Variants in RALGAPA2 observed in about 807,000 individuals in gnomAD.
RALGAPA2 encodes Ral GTPase activating protein catalytic subunit alpha 2.
RALGAPA2 carries 139 observed loss-of-function variants against 230.4 expected under a neutral mutation model. The observed-to-expected ratio is 0.60, with a 90% CI of 0.53 to 0.69. RALGAPA2 has a LOEUF of 0.69. Ranked by LOEUF, RALGAPA2 falls within the 30% of genes least tolerant of loss-of-function variation. The probability of loss-of-function intolerance (pLI) is 0.00; values close to 1 mark genes in which losing one functional copy is unlikely to be tolerated. For missense variants in RALGAPA2, 2,163 were observed against 2,276.0 expected (o/e 0.95, Z 1.01); for synonymous variants, 847 against 837.8 (o/e 1.01, Z -0.19).
chr20:20,612,517 T>C (rs1014203805), intron 13 of RALGAPA2, among the ~76,000 whole-genome samples: 3 of 152,338 alleles, frequency 2.0e-5, no homozygotes, highest in Middle Eastern at 3.4e-3. Flanking sequence ...CTGAACCTCA[T>C]AAAATTCCTC....
At chr20:20,679,099 A>T (rs1034980466) in intron 2 of RALGAPA2, among the ~76,000 whole-genome samples, 7 of 151,730 alleles carry the variant, frequency 4.6e-5, no homozygotes, top group Non-Finnish European at 1.0e-4. Flanking sequence ...ACACGATTTC[A>T]CCTCTTTTCT....
chr20:20,592,789 A>G (rs1035297674), intron 16 of RALGAPA2, among the ~76,000 whole-genome samples: 2 of 152,184 alleles, frequency 1.3e-5, no homozygotes, highest in Non-Finnish European at 2.9e-5. Flanking sequence ...ATGTTGGAAG[A>G]TTCTACATTT....
chr20:20,452,332 T>G (rs1035057729), intron 37 of RALGAPA2, among the ~76,000 whole-genome samples: 7 of 152,204 alleles, frequency 4.6e-5, no homozygotes, highest in Non-Finnish European at 1.0e-4. Context: ...GTTAAAAGTG[T>G]GGGTGTGGAA....
At chr20:20,687,334 G>A (rs762777122) in intron 1 of RALGAPA2, among the ~76,000 whole-genome samples, 3 of 152,146 alleles carry the variant, frequency 2.0e-5, no homozygotes, top group Non-Finnish European at 4.4e-5. Flanking sequence ...TGATTCTGGC[G>A]ATTTCACATT....
intron 4 of RALGAPA2, among the ~76,000 whole-genome samples, chr20:20,648,382 G>T (rs2067286929): frequency 6.6e-6 from 1 of 151,912 alleles, no homozygotes; most frequent in Admixed American, 6.6e-5. Context: ...ATTACCAAGG[G>T]GGACGAGGAA....
intron 10 of RALGAPA2, among the ~76,000 whole-genome samples, chr20:20,628,480 C>T (rs1364866950): frequency 1.3e-5 from 2 of 152,114 alleles, no homozygotes; most frequent in Non-Finnish European, 2.9e-5. Context: ...ACTGGCCACA[C>T]GCCACACTCC....
chr20:20,578,230 G>A (rs912845894), intron 20 of RALGAPA2, among the ~76,000 whole-genome samples: 5 of 152,108 alleles, frequency 3.3e-5, no homozygotes, highest in South Asian at 4.1e-4. Context: ...TGCTGGTGGC[G>A]TAAGTGACAG....
chr20:20,457,537 C>T (rs766764372), intron 37 of RALGAPA2, among the ~76,000 whole-genome samples: 1 of 152,210 alleles, frequency 6.6e-6, no homozygotes, highest in Non-Finnish European at 1.5e-5. Context: ...CGTGTACTCA[C>T]TGAAAAAATA....
intron 37 of RALGAPA2, among the ~76,000 whole-genome samples, chr20:20,458,458 G>A (rs910207269): frequency 4.0e-5 from 5 of 126,044 alleles, no homozygotes; most frequent in African/African-American, 1.6e-4. Flanking sequence ...TAATACATAT[G>A]TATTTTATAT....
At chr20:20,629,297 T>C (rs2066591203) in intron 10 of RALGAPA2, 66 bp downstream of exon 10, 9 of 1,344,790 alleles carry the variant, frequency 6.7e-6, no homozygotes, top group Admixed American at 6.0e-5. Context: ...TGAAACAAAA[T>C]CATTTCCATT....
At chr20:20,403,740 T>G (rs1370355572) in intron 38 of RALGAPA2, among the ~76,000 whole-genome samples, 1 of 152,228 alleles carries the variant, frequency 6.6e-6, no homozygotes, top group Non-Finnish European at 1.5e-5. Context: ...GCTTCCCTAA[T>G]GACTGCACGT....
chr20:20,424,009 T>C (rs553036804), intron 37 of RALGAPA2, among the ~76,000 whole-genome samples: 70 of 152,208 alleles, frequency 4.6e-4, no homozygotes, highest in African/African-American at 1.6e-3. Context: ...TTCAGGCTAT[T>C]AAATTACAGA....
intron 37 of RALGAPA2, among the ~76,000 whole-genome samples, chr20:20,415,380 A>G (rs1027895638): frequency 7.9e-5 from 12 of 152,238 alleles, no homozygotes; most frequent in Admixed American, 5.2e-4. Context: ...TTGTTCCCTT[A>G]AAAAGTTTAC....
chr20:20,605,463 G>T, intron 14 of RALGAPA2, 51 bp from the exon 15 acceptor site: 1 of 1,359,048 alleles, frequency 7.4e-7, no homozygotes, highest in Non-Finnish European at 1.0e-6. Context: ...TTTGGAAAAA[G>T]CATACTTTTA....
At chr20:20,423,223 G>T (rs933068753) in intron 37 of RALGAPA2, among the ~76,000 whole-genome samples, 3 of 152,188 alleles carry the variant, frequency 2.0e-5, no homozygotes, top group African/African-American at 7.2e-5. Context: ...GAGTGGAGGA[G>T]TCTGAAGAGC....
Position 20,437,881 on chromosome 20 carries a change from C to T in RALGAPA2, c.5496-25733G>A, listed in dbSNP as rs1396774056. ...TGTGGTATATCTAGCACCCAGAGAA[C>T]AGGCCCCATACCTACAGAGTCTCAG... On this transcript the variant is annotated intron_variant, in intron 37 of 39. Coordinates refer to ENST00000202677, the MANE Select transcript of RALGAPA2 (RefSeq NM_020343.4). The surrounding 1 kb of genome is among the most constrained non-coding windows in gnomAD (Gnocchi z 4.1). 6.6e-6 allele frequency among the ~76,000 whole-genome samples: 1 copy of T among 152,184 alleles called. No individual in the cohort carries two copies. Among genetic ancestry groups the T allele is most frequent in the African/African-American group, 2.4e-5 (1 of 41,438 alleles).
intron 20 of RALGAPA2, among the ~76,000 whole-genome samples, chr20:20,576,708 G>T (rs2064829927): frequency 6.6e-6 from 1 of 152,042 alleles, no homozygotes; most frequent in Non-Finnish European, 1.5e-5. Flanking sequence ...GGAATGGGAT[G>T]AAAAAGGTAA....
intron 31 of RALGAPA2, among the ~76,000 whole-genome samples, chr20:20,519,813 T>C (rs777612812): frequency 3.3e-5 from 5 of 152,228 alleles, no homozygotes; most frequent in Non-Finnish European, 7.3e-5. Flanking sequence ...GCCTAGGTTT[T>C]TAACTTGTGA....
At chr20:20,687,964 G>A (rs889684321) in intron 1 of RALGAPA2, among the ~76,000 whole-genome samples, 11 of 152,170 alleles carry the variant, frequency 7.2e-5, no homozygotes, top group African/African-American at 2.7e-4. Context: ...ACACCAGCCA[G>A]TATGTTTCGG....
Sources: allele counts gnomAD v4.1 joint callset (sites outside exome capture counted in the v4.1 genomes callset), GRCh38; gene constraint gnomAD v4.1.1; non-coding constraint Gnocchi (gnomAD v3.1); transcripts MANE v1.5; gene names NCBI Gene and HGNC (gene_info 2026-07-23, HGNC 2026-07-21).